Variants in NF1 observed in about 807,000 individuals in gnomAD.
NF1 encodes neurofibromin.
Under a neutral mutation model 325.7 loss-of-function variants are expected in NF1, and 122 were observed. The observed-to-expected ratio is 0.37, with a 90% CI of 0.32 to 0.44. The LOEUF (loss-of-function observed/expected upper bound fraction) is 0.44. Ranked by LOEUF, NF1 falls within the 20% of genes least tolerant of loss-of-function variation. The probability of loss-of-function intolerance (pLI) is 1.00; values close to 1 mark genes in which losing one functional copy is unlikely to be tolerated. For missense variants in NF1, 2,140 were observed against 3,415.4 expected, an observed-to-expected ratio of 0.63 and a Z score of 9.31; for synonymous variants, 1,091 against 1,186.0, an observed-to-expected ratio of 0.92 and a Z score of 1.65.
chr17:31,257,321 C>G (rs1054303216), intron 31 of NF1, among the ~76,000 whole-genome samples: 2 of 152,022 alleles, frequency 1.3e-5, no homozygotes, highest in Non-Finnish European at 2.9e-5. Flanking sequence ...CCGCACTAAG[C>G]AAGAATAGCT....
At chr17:31,248,674 A>G (rs1257490947) in intron 29 of NF1, among the ~76,000 whole-genome samples, 1 of 151,974 alleles carries the variant, frequency 6.6e-6, no homozygotes, top group Non-Finnish European at 1.5e-5. Context: ...AGCTGGGATT[A>G]CAGGCACCTG....
intron 33 of NF1, 56 bp downstream of exon 33, chr17:31,259,185 C>G: frequency 8.1e-7 from 1 of 1,241,778 alleles, no homozygotes; most frequent in Non-Finnish European, 1.2e-6. Context: ...TTTTCGGTTT[C>G]ACATAAATCC....
chr17:31,114,311 G>T (rs1913699538), intron 1 of NF1, among the ~76,000 whole-genome samples: 1 of 151,950 alleles, frequency 6.6e-6, no homozygotes, highest in Non-Finnish European at 1.5e-5. Flanking sequence ...GGCTGAGGCG[G>T]GTGGATCACG....
intron 11 of NF1, 127 bp from the exon 12 acceptor site, chr17:31,206,113 T>C: frequency 1.1e-6 from 1 of 924,118 alleles, no homozygotes; most frequent in South Asian, 1.3e-5. Flanking sequence ...GAAATCATGG[T>C]GTGTGTTTGC....
chr17:31,162,430 T>C (rs537203071), intron 3 of NF1, among the ~76,000 whole-genome samples: 5 of 152,238 alleles, frequency 3.3e-5, no homozygotes, highest in Non-Finnish European at 7.3e-5. Context: ...TGAGCTGAGA[T>C]TGCGCCCTTG....
intron 12 of NF1, among the ~76,000 whole-genome samples, chr17:31,210,568 G>A (rs2905796): frequency 0.65 from 98,370 of 151,928 alleles, 32,254 homozygotes; most frequent in Middle Eastern, 0.82. Context: ...CCTGGGCAAC[G>A]GAGCGAGACT....
At position 31,147,101 on chromosome 17, in the gene NF1, A is replaced by G. The variant is rs138569399; in HGVS notation, c.61-8882A>G. On this transcript the variant is annotated intron_variant, in intron 1 of 57. Coordinates refer to ENST00000358273, the MANE Select transcript of NF1 (RefSeq NM_001042492.3). Reference sequence around the variant, plus strand: ...GCAAACTTTCTGTTAAATTATGTGTATAGAAAAGGGCACAAATTGTAAATA... The same window carrying G: ...GCAAACTTTCTGTTAAATTATGTGTGTAGAAAAGGGCACAAATTGTAAATA... Among the ~76,000 whole-genome samples, 5 of 152,370 alleles carry G rather than the reference A, an allele frequency of 3.3e-5. No individual in the cohort carries two copies. The South Asian group carries it at 6.2e-4, about 19-fold the overall frequency.
intron 1 of NF1, among the ~76,000 whole-genome samples, chr17:31,118,292 ATTT>A (rs5819917): frequency 7.0e-6 from 1 of 143,516 alleles, no homozygotes; most frequent in African/African-American, 2.6e-5. Flanking sequence ...CCAGATGCTG[ATTT>A]TTTTTTTTTT....
intron 1 of NF1, among the ~76,000 whole-genome samples, chr17:31,145,804 T>G (rs1216188811): frequency 6.6e-6 from 1 of 152,172 alleles, no homozygotes; most frequent in Non-Finnish European, 1.5e-5. Flanking sequence ...ATCATGAAGA[T>G]TCTCAGATGT....
chr17:31,238,353 G>A lies in NF1; in HGVS notation c.3974+2332G>A, dbSNP rs1259562993. On this transcript the variant is annotated intron_variant, in intron 29 of 57. Transcript: ENST00000358273. ...CCCTAGCAAAGGTTTGCCCTCAGGA[G>A]AAATTACTTTACCAGAGCTTTATTT... is the stretch of plus-strand genomic sequence containing the variant. Among the ~76,000 whole-genome samples, 4 of 152,184 alleles carry A rather than the reference G, an allele frequency of 2.6e-5. No individual in the cohort carries two copies. The East Asian group carries it at 5.8e-4, about 22-fold the overall frequency.
rs191443567 is a variant in NF1 at position 31,227,916 on chromosome 17, A to T, written c.2409+310A>T. 8.9e-4 allele frequency among the ~76,000 whole-genome samples: 135 copies of T among 152,344 alleles called. 3 individuals are homozygous for T. The highest frequency in any genetic ancestry group is 8.8e-3 in the Admixed American group (135 of 15,308). ...ACTCTATTGGACAGCAGAGAGAGAA[A>T]ATGTTCCTGTCATCACAGAAATACT... On this transcript the variant is annotated intron_variant, in intron 20 of 57. Coordinates refer to ENST00000358273, the MANE Select transcript of NF1 (RefSeq NM_001042492.3).
At chr17:31,157,262 T>C (rs757583384) in intron 2 of NF1, among the ~76,000 whole-genome samples, 13 of 152,178 alleles carry the variant, frequency 8.5e-5, no homozygotes, top group Non-Finnish European at 1.3e-4. Flanking sequence ...GTGCTGAGAT[T>C]ACAGGTGTGA....
At chr17:31,154,448 G>A (rs1226006282) in intron 1 of NF1, among the ~76,000 whole-genome samples, 2 of 151,980 alleles carry the variant, frequency 1.3e-5, no homozygotes, top group Non-Finnish European at 2.9e-5. Context: ...AAGGAGATAT[G>A]GTCACAAAGA....
At chr17:31,167,141 CACAA>C (rs528554211) in intron 4 of NF1, among the ~76,000 whole-genome samples, 181 of 152,272 alleles carry the variant, frequency 1.2e-3, no homozygotes, top group African/African-American at 3.0e-3. Context: ...TCCCATTTTT[CACAA>C]ACAACCACAA....
At chr17:31,219,527 C>CA in intron 14 of NF1, among the ~76,000 whole-genome samples, 1 of 151,748 alleles carries the variant, frequency 6.6e-6, no homozygotes, top group South Asian at 2.1e-4. Context: ...TACATGCGCA[C>CA]AATGTGCAGG....
intron 11 of NF1, 50 bp from the exon 12 acceptor site, chr17:31,206,190 C>A (rs2066617272): frequency 6.2e-7 from 1 of 1,606,366 alleles, no homozygotes; most frequent in Non-Finnish European, 8.5e-7. Context: ...GAGCATACAA[C>A]TCACGTAATT....
chr17:31,249,123 T>C lies in NF1; in HGVS notation c.4110+4T>C, dbSNP rs587781700. 30 of 1,613,740 alleles carry C rather than the reference T, an allele frequency of 1.9e-5. No homozygotes were observed. The East Asian group carries it at 6.5e-4, about 35-fold the overall frequency. Reference sequence around the variant, plus strand: ...TGTGTGCCACTGTTTATACCAGGTATGCTTACAGTTAGAGATTACCATTAT... The same window carrying C: ...TGTGTGCCACTGTTTATACCAGGTACGCTTACAGTTAGAGATTACCATTAT... On this transcript the variant is annotated splice_donor_region_variant and intron_variant, in intron 30 of 57. Transcript: ENST00000358273.
intron 1 of NF1, among the ~76,000 whole-genome samples, chr17:31,107,903 G>A (rs1913010630): frequency 6.6e-6 from 1 of 151,968 alleles, no homozygotes; most frequent in South Asian, 2.1e-4. Flanking sequence ...TTTGGGAGGT[G>A]GGGGAGGGAG....
At chr17:31,159,436 C>G (rs568707893) in intron 3 of NF1, among the ~76,000 whole-genome samples, 2 of 152,150 alleles carry the variant, frequency 1.3e-5, no homozygotes, top group South Asian at 4.2e-4. Context: ...ATTCAGAAGT[C>G]CAAGAGTAAT....
Sources: allele counts gnomAD v4.1 joint callset (sites outside exome capture counted in the v4.1 genomes callset), GRCh38; gene constraint gnomAD v4.1.1; transcripts MANE v1.5; gene names NCBI Gene and HGNC (gene_info 2026-07-23, HGNC 2026-07-21).